NPSR1: variants seen among roughly 807,000 people sequenced by gnomAD.
NPSR1 encodes neuropeptide S receptor.
NPSR1 carries 48 observed loss-of-function variants against 46.9 expected under a neutral mutation model. The observed-to-expected ratio is 1.02, with a 90% CI of 0.81 to 1.30. The LOEUF is 1.30. NPSR1 is among the 50% of genes most tolerant of loss of function. The pLI is 0.00. For synonymous variants in NPSR1, 176 were observed against 168.1 expected (o/e 1.05, Z -0.36); for missense variants, 450 against 449.5 (o/e 1.00, Z -0.01).
intron 2 of NPSR1, among the ~76,000 whole-genome samples, chr7:34,701,910 CTT>C (rs2128696269): frequency 6.6e-6 from 1 of 152,272 alleles, no homozygotes; most frequent in South Asian, 2.1e-4. Flanking sequence ...TCCATTTGGT[CTT>C]TTCTTTATTG....
At chr7:34,742,520 A>G (rs1218915748) in intron 2 of NPSR1, among the ~76,000 whole-genome samples, 1 of 152,228 alleles carries the variant, frequency 6.6e-6, no homozygotes, top group Non-Finnish European at 1.5e-5. Flanking sequence ...ATGATTGCAT[A>G]GTATCCCATG....
At chr7:34,827,115 G>A (rs1211963787) in intron 4 of NPSR1, among the ~76,000 whole-genome samples, 1 of 152,164 alleles carries the variant, frequency 6.6e-6, no homozygotes, top group African/African-American at 2.4e-5. Flanking sequence ...CTGCAGGAAT[G>A]GATGCGTCAG....
At chr7:34,685,248 A>C (rs73691491) in intron 2 of NPSR1, among the ~76,000 whole-genome samples, 11 of 152,302 alleles carry the variant, frequency 7.2e-5, no homozygotes, top group African/African-American at 2.2e-4. Flanking sequence ...AGCACAGCAC[A>C]CCTAGTAGAG....
At chr7:34,673,433 A>G (rs1266308431) in intron 1 of NPSR1, among the ~76,000 whole-genome samples, 2 of 152,150 alleles carry the variant, frequency 1.3e-5, no homozygotes. Flanking sequence ...CTACACCAAC[A>G]TGTAAGCCAA....
intron 2 of NPSR1, among the ~76,000 whole-genome samples, chr7:34,739,013 C>T (rs1169142851): frequency 2.0e-5 from 3 of 152,142 alleles, no homozygotes; most frequent in Non-Finnish European, 4.4e-5. Context: ...TTGTTTCTGG[C>T]TTCTTTCACT....
chr7:34,838,597 C>G (rs543428944), intron 6 of NPSR1, among the ~76,000 whole-genome samples: 3 of 152,246 alleles, frequency 2.0e-5, no homozygotes, highest in South Asian at 2.1e-4. Context: ...TTAGTGTGAA[C>G]AGAAGCTCAC....
At chr7:34,806,366 A>G (rs2128749279) in intron 3 of NPSR1, among the ~76,000 whole-genome samples, 1 of 152,240 alleles carries the variant, frequency 6.6e-6, no homozygotes, top group South Asian at 2.1e-4. Flanking sequence ...CCATGAAAAG[A>G]CATGGAGGAA....
intron 2 of NPSR1, among the ~76,000 whole-genome samples, chr7:34,731,712 A>T (rs1784424270): frequency 6.6e-6 from 1 of 152,156 alleles, no homozygotes; most frequent in African/African-American, 2.4e-5. Flanking sequence ...TTGGTTTTTC[A>T]CTACTTTAGA....
At chr7:34,840,346 A>G (rs1474757823) in intron 6 of NPSR1, among the ~76,000 whole-genome samples, 1 of 152,180 alleles carries the variant, frequency 6.6e-6, no homozygotes, top group East Asian at 1.9e-4. Context: ...TCACAGAAGA[A>G]CATTCCCACC....
chr7:34,780,452 A>G (rs1018409754), intron 3 of NPSR1, among the ~76,000 whole-genome samples: 1 of 152,192 alleles, frequency 6.6e-6, no homozygotes, highest in African/African-American at 2.4e-5. Flanking sequence ...AAAACGATAG[A>G]GAAAGAAATT....
At chr7:34,745,896 A>T (rs1285257876) in intron 2 of NPSR1, among the ~76,000 whole-genome samples, 1 of 152,232 alleles carries the variant, frequency 6.6e-6, no homozygotes, top group Non-Finnish European at 1.5e-5. Context: ...GTGTGTACAC[A>T]GGTGTTCATG....
At chr7:34,806,984 G>C (rs1023949687) in intron 3 of NPSR1, among the ~76,000 whole-genome samples, 1 of 151,996 alleles carries the variant, frequency 6.6e-6, no homozygotes, top group African/African-American at 2.4e-5. Flanking sequence ...AAGGGGTGGG[G>C]TAGTGAGAAT....
chr7:34,854,958 A>G (rs1049269976), downstream of NPSR1, among the ~76,000 whole-genome samples: 2 of 152,202 alleles, frequency 1.3e-5, no homozygotes, highest in Admixed American at 1.3e-4. Flanking sequence ...TCATGTTATA[A>G]TTATGCTGGA....
At chr7:34,842,266 G>A (rs1163047281) in intron 6 of NPSR1, among the ~76,000 whole-genome samples, 1 of 152,198 alleles carries the variant, frequency 6.6e-6, no homozygotes, top group African/African-American at 2.4e-5. Flanking sequence ...TTAGTAATTG[G>A]TAGAGACGGA....
rs1791269047 is a variant in NPSR1, at chr7:34,864,692, A to G, written c.1026-13384A>G. ...GTTGGAGTTGAGATGTCCAAATATA[A>G]CTTCCTTTTTCCTCATGAGCATCTT... On this transcript the variant is annotated intron_variant, in intron 8 of 8. Coordinates refer to the NPSR1 transcript ENST00000359791. Among the ~76,000 whole-genome samples, 2 of 151,858 alleles carry G rather than the reference A, an allele frequency of 1.3e-5. 1 individual carries two copies. Among genetic ancestry groups the G allele is most frequent in the African/African-American group, 4.9e-5 (2 of 41,110 alleles).
intron 1 of NPSR1, among the ~76,000 whole-genome samples, chr7:34,680,522 C>G (rs1481193481): frequency 6.6e-6 from 1 of 152,114 alleles, no homozygotes; most frequent in African/African-American, 2.4e-5. Context: ...TCTCCCATGT[C>G]CCAGCATTTC....
At chr7:34,764,240 A>T (rs1469702457) in intron 2 of NPSR1, among the ~76,000 whole-genome samples, 1 of 152,240 alleles carries the variant, frequency 6.6e-6, no homozygotes, top group Non-Finnish European at 1.5e-5. Context: ...TTAATCAGTT[A>T]AACAGCTGCT....
At chr7:34,688,781 C>T (rs1426470817) in intron 2 of NPSR1, among the ~76,000 whole-genome samples, 1 of 152,140 alleles carries the variant, frequency 6.6e-6, no homozygotes, top group East Asian at 1.9e-4. Context: ...GGTCTCTCTC[C>T]ACCTTGCTGG....
At chr7:34,674,327 T>C (rs993444670) in intron 1 of NPSR1, among the ~76,000 whole-genome samples, 2 of 152,216 alleles carry the variant, frequency 1.3e-5, no homozygotes, top group Non-Finnish European at 2.9e-5. Flanking sequence ...CTTTGCTATC[T>C]GCTCCTACCT....
Sources: gnomAD v4.1 joint callset for allele counts (sites outside exome capture counted in the v4.1 genomes callset) on GRCh38, gnomAD v4.1.1 for gene constraint, MANE v1.5 for transcripts, NCBI Gene and HGNC (gene_info 2026-07-23, HGNC 2026-07-21) for gene names.